KIF21B: variants seen among roughly 807,000 people sequenced by gnomAD.
KIF21B encodes kinesin family member 21B.
KIF21B carries 85 observed loss-of-function variants against 192.9 expected under a neutral mutation model. The ratio of observed to expected loss-of-function variants is 0.44; its 90% CI spans 0.37 to 0.53. The LOEUF is 0.53. KIF21B is among the 20% of genes least tolerant of loss of function. KIF21B has a pLI of 0.00. For missense variants in KIF21B, 1,716 were observed against 2,194.8 expected (o/e 0.78, Z 4.36); for synonymous variants, 832 against 884.6 (o/e 0.94, Z 1.05).
At chr1:201,017,000 C>G (rs920580027) in intron 1 of KIF21B, among the ~76,000 whole-genome samples, 2 of 152,172 alleles carry the variant, frequency 1.3e-5, no homozygotes, top group Non-Finnish European at 2.9e-5. Context: ...GGGGTGTCAG[C>G]TTGGGATGCT....
chr1:200,988,539 C>A lies in KIF21B; in HGVS notation c.3304G>T (p.Gly1102Cys). 2.3e-6 allele frequency: 2 copies of A among 866,370 alleles called. No individual in the cohort carries two copies. Among genetic ancestry groups the A allele is most frequent in the Non-Finnish European group, 1.8e-6 (1 of 557,632 alleles). The allele number at this position is 866,370 out of a possible 1,614,324, so 53.7% of individuals were successfully genotyped here. Residue 1102 changes from glycine (G) to cysteine (C), a missense_variant, in exon 23 of 35, where the codon GGC (glycine) becomes TGC (cysteine). Gly to Cys is a radical substitution (Grantham distance 159, BLOSUM62 -3). This residue lies in a region of KIF21B where 580 missense variants were observed against 775.5 expected (regional missense o/e 0.75). Transcript: ENST00000461742. ...ATCTCCTCATCTGTGCTGGCGTAGC[C>A]ATTCTCTGTGGGAGGGCGGGAGGGA... ...ALIYNVQQEN[G>C]YASTDEEISE...
At chr1:201,008,597 C>T (rs1401772686) in intron 3 of KIF21B, among the ~76,000 whole-genome samples, 172 bp downstream of exon 3, 15 of 152,180 alleles carry the variant, frequency 9.9e-5, no homozygotes, top group Admixed American at 9.8e-4. Flanking sequence ...GAGTGTCCCA[C>T]CAAGTAGTCC....
chr1:201,007,473 GAGACACAT>G (rs1657951632), intron 3 of KIF21B, among the ~76,000 whole-genome samples: 1 of 132,014 alleles, frequency 7.6e-6, no homozygotes, highest in Admixed American at 7.8e-5. Context: ...CACAGACACA[GAGACACAT>G]AGACACACAC....
intron 15 of KIF21B, 113 bp downstream of exon 15, chr1:200,996,083 G>A: frequency 2.7e-6 from 3 of 1,091,886 alleles, no homozygotes; most frequent in East Asian, 2.4e-5. Context: ...AATGCTGTGT[G>A]TTGAGAAGAG....
At chr1:201,003,860 G>A in intron 7 of KIF21B, 79 bp from the exon 8 acceptor site, 1 of 1,430,036 alleles carries the variant, frequency 7.0e-7, no homozygotes, top group Non-Finnish European at 9.8e-7. Context: ...TAGAGGTCCT[G>A]CTCCCATCCC....
intron 1 of KIF21B, among the ~76,000 whole-genome samples, chr1:201,014,835 C>G (rs905369024): frequency 1.3e-5 from 2 of 152,244 alleles, no homozygotes; most frequent in Admixed American, 6.5e-5. Flanking sequence ...TTCTCACTGA[C>G]GAGAGGTCAC....
chr1:200,997,732 A>G (rs1657166597), intron 14 of KIF21B, among the ~76,000 whole-genome samples: 1 of 140,404 alleles, frequency 7.1e-6, no homozygotes, highest in East Asian at 2.1e-4. Context: ...ACAGAGAGAG[A>G]TTTTTGATTT....
intron 1 of KIF21B, among the ~76,000 whole-genome samples, chr1:201,014,658 G>A (rs918136526): frequency 2.0e-5 from 3 of 152,244 alleles, no homozygotes; most frequent in Non-Finnish European, 4.4e-5. Flanking sequence ...GCTCTGCCCA[G>A]TGACCTTGGA....
chr1:201,003,382 G>A (rs1657611024), intron 8 of KIF21B: 1 of 615,292 alleles, frequency 1.6e-6, no homozygotes. Flanking sequence ...CTCAGACTAT[G>A]CTTGATTCAC....
intron 1 of KIF21B, among the ~76,000 whole-genome samples, chr1:201,014,444 G>C (rs377398118): frequency 2.0e-5 from 3 of 152,340 alleles, no homozygotes; most frequent in Non-Finnish European, 4.4e-5. Flanking sequence ...GAGGAGACAG[G>C]GAGGAGGCAG....
chr1:201,010,808 A>G (rs537153070), intron 1 of KIF21B, among the ~76,000 whole-genome samples: 2 of 152,202 alleles, frequency 1.3e-5, no homozygotes, highest in Non-Finnish European at 2.9e-5. Flanking sequence ...AGGCCCACTC[A>G]GAGCTGTAGG....
chr1:200,999,855 G>A lies in KIF21B; in HGVS notation c.1767+28C>T. 6.2e-7 allele frequency: 1 copy of A among 1,610,416 alleles called. No homozygotes were observed. On this transcript the variant is annotated intron_variant, in intron 12 of 34. Coordinates refer to ENST00000461742, the MANE Select transcript of KIF21B (RefSeq NM_001252102.2). The surrounding 1 kb of genome is among the most constrained non-coding windows in gnomAD (Gnocchi z 4.7). ...AGCAGGGACACAAGGCATGCATGTG[G>A]TGAGGTGGGGCGGCCCGTGCTCCTC...
rs1380554167 is a variant in KIF21B at position 201,000,843 on chromosome 1, C to T, written c.1403-63G>A. 22 of 1,567,456 alleles carry T rather than the reference C, an allele frequency of 1.4e-5. No individual in the cohort carries two copies. Among genetic ancestry groups the T allele is most frequent in the East Asian group, 4.5e-5 (2 of 44,682 alleles). ...AGATAAATAGGCCAGCGCGGTGGCT[C>T]AGACCTATAATTCCAGCACTTTGGG... On this transcript the variant is annotated intron_variant, in intron 9 of 34. Coordinates refer to ENST00000461742, the MANE Select transcript of KIF21B (RefSeq NM_001252102.2). The surrounding 1 kb of genome is among the most constrained non-coding windows in gnomAD (Gnocchi z 6.0).
At chr1:201,011,427 C>G (rs1658227915) in intron 1 of KIF21B, among the ~76,000 whole-genome samples, 1 of 152,242 alleles carries the variant, frequency 6.6e-6, no homozygotes, top group Non-Finnish European at 1.5e-5. Context: ...AGGTCACAGA[C>G]AGTCAGGAGC....
chr1:200,986,638 G>T (rs796658239), intron 26 of KIF21B, among the ~76,000 whole-genome samples: 3 of 152,310 alleles, frequency 2.0e-5, no homozygotes, highest in African/African-American at 7.2e-5. Flanking sequence ...GATTACAGGT[G>T]TGAGCCATCA....
At position 200,976,490 on chromosome 1, in the gene KIF21B, T is replaced by C. The variant is rs1557996028; in HGVS notation, c.4443+286A>G. ...TGTATACTTCATGTTTGGTTTGCTATTTATCATTTTAATAGCTGCAATGCA... is the reference window on the plus strand; with the variant it reads ...TGTATACTTCATGTTTGGTTTGCTACTTATCATTTTAATAGCTGCAATGCA... On this transcript the variant is annotated intron_variant, in intron 32 of 34. Coordinates refer to ENST00000461742, the MANE Select transcript of KIF21B (RefSeq NM_001252102.2). Among the ~76,000 whole-genome samples, 5 of 152,232 alleles carry C rather than the reference T, an allele frequency of 3.3e-5. No individual in the cohort carries two copies. In the South Asian group the frequency reaches 8.3e-4, roughly 25 times the overall value.
At chr1:201,012,474 G>A (rs1328373670) in intron 1 of KIF21B, among the ~76,000 whole-genome samples, 1 of 152,230 alleles carries the variant, frequency 6.6e-6, no homozygotes, top group Admixed American at 6.5e-5. Context: ...GTGATGCTAT[G>A]ACCTAGGGAT....
At position 201,017,747 on chromosome 1, in the gene KIF21B, C is replaced by T. The variant is rs904903731; in HGVS notation, c.41+5596G>A. ...CTCTCCAGGGTGCACCTTAAGTCAG[C>T]CTCAGGTGGGACCAGCCCAGCCTTC... On this transcript the variant is annotated intron_variant, in intron 1 of 34. Coordinates refer to ENST00000461742, the MANE Select transcript of KIF21B (RefSeq NM_001252102.2). The surrounding 1 kb of genome is among the most constrained non-coding windows in gnomAD (Gnocchi z 4.1). Among the ~76,000 whole-genome samples, 3 of 152,228 alleles carry T rather than the reference C, an allele frequency of 2.0e-5. No homozygotes were observed. Among genetic ancestry groups the T allele is most frequent in the African/African-American group, 7.2e-5 (3 of 41,466 alleles).
chr1:200,973,651 AGAG>A (rs778750940), intron 34 of KIF21B, 73 bp from the exon 35 acceptor site: 54 of 1,515,410 alleles, frequency 3.6e-5, no homozygotes, highest in Non-Finnish European at 4.4e-5. Context: ...CCCCAAAAGT[AGAG>A]GATGAACTGG....
Sources: allele counts gnomAD v4.1 joint callset (sites outside exome capture counted in the v4.1 genomes callset), GRCh38; gene constraint gnomAD v4.1.1; regional missense constraint gnomAD v4.1.1; non-coding constraint Gnocchi (gnomAD v3.1); transcripts MANE v1.5; gene names NCBI Gene and HGNC (gene_info 2026-07-23, HGNC 2026-07-21).